Variants in CPSF2 observed in about 807,000 individuals in gnomAD.
CPSF2 encodes cleavage and polyadenylation specificity factor subunit 2.
CPSF2 carries 51 observed loss-of-function variants against 84.2 expected under a neutral mutation model. The observed-to-expected ratio is 0.61, with a 90% CI of 0.48 to 0.77. The LOEUF is 0.77. CPSF2 is among the 30% of genes least tolerant of loss of function. CPSF2 has a pLI of 0.00. For missense variants in CPSF2, 641 were observed against 929.4 expected, an observed-to-expected ratio of 0.69 and a Z score of 4.03; for synonymous variants, 286 against 311.9, an observed-to-expected ratio of 0.92 and a Z score of 0.87.
Position 92,162,488 on chromosome 14 carries a change from C to T in CPSF2, c.*744C>T, listed in dbSNP as rs2069388128. 1 of 152,362 alleles carries T rather than the reference C, an allele frequency of 6.6e-6. No homozygotes were observed. The highest frequency in any genetic ancestry group is 2.1e-4 in the South Asian group (1 of 4,824). The allele number at this position is 152,362 out of a possible 1,614,324, so 9.4% of individuals were successfully genotyped here. A position where few individuals can be genotyped will look rare whatever the true frequency, so the allele number is the denominator to read the frequency against. ...AAGGGTTCTGCATACATTTTAGAAA[C>T]ATCTTAGCCGTAAGTTAGGTCCTGT... On this transcript the variant is annotated 3_prime_UTR_variant, in exon 16 of 16. Coordinates refer to ENST00000298875, the MANE Select transcript of CPSF2 (RefSeq NM_017437.3).
chr14:92,131,132 A>C lies in CPSF2; in HGVS notation c.148A>C (p.Lys50Gln). The change falls in exon 3 of 16, where the codon AAG (lysine) becomes CAG (glutamine). Residue 50 changes from lysine to glutamine, a missense_variant and splice_region_variant. Coordinates refer to ENST00000298875, the MANE Select transcript of CPSF2 (RefSeq NM_017437.3). ...FSMDIIDSLRKHVHQIDAVLL... is the reference protein window; with the variant it reads ...FSMDIIDSLRQHVHQIDAVLL... ...TATGGATATTATTGATTCCCTGAGG[A>C]AGTAAGTTACATTTCATAATTCTAT... 6.3e-7 allele frequency: 1 copy of C among 1,598,586 alleles called. No individual in the cohort carries two copies. Among genetic ancestry groups the C allele is most frequent in the Non-Finnish European group, 8.5e-7 (1 of 1,173,756 alleles).
chr14:92,131,090 T>G lies in CPSF2; in HGVS notation c.106T>G (p.Trp36Gly). 1 of 1,612,946 alleles carries G rather than the reference T, an allele frequency of 6.2e-7. No homozygotes were observed. Among genetic ancestry groups the G allele is most frequent in the East Asian group, 2.2e-5 (1 of 44,792 alleles). ...DEFRFLLDCG[W>G]DEHFSMDIID... ...GTTTAGATTTTTATTGGACTGTGGC[T>G]GGGATGAGCACTTTTCTATGGATAT... is the stretch of plus-strand genomic sequence containing the variant. Residue 36 changes from tryptophan (W) to glycine (G), a missense_variant, in exon 3 of 16, where the codon TGG (tryptophan) becomes GGG (glycine). This residue lies in a region of CPSF2 where 211 missense variants were observed against 375.7 expected (regional missense o/e 0.56). Transcript: ENST00000298875.
At chr14:92,123,889 T>A (rs895116923) in intron 1 of CPSF2, among the ~76,000 whole-genome samples, 6 of 152,264 alleles carry the variant, frequency 3.9e-5, no homozygotes, top group African/African-American at 1.4e-4. Flanking sequence ...TTTACTCCTC[T>A]ATACATTGAA....
intron 12 of CPSF2, among the ~76,000 whole-genome samples, chr14:92,156,939 A>G (rs1429374792): frequency 6.6e-6 from 1 of 152,168 alleles, no homozygotes; most frequent in Non-Finnish European, 1.5e-5. Flanking sequence ...AGCAGGTGAA[A>G]GGGAATAATG....
At chr14:92,132,034 T>C (rs1454080022) in intron 3 of CPSF2, among the ~76,000 whole-genome samples, 1 of 152,196 alleles carries the variant, frequency 6.6e-6, no homozygotes, top group African/African-American at 2.4e-5. Context: ...TTAGCAAAAC[T>C]GTCTGTGGTT....
chr14:92,136,058 G>T (rs970461005), intron 6 of CPSF2, among the ~76,000 whole-genome samples: 4 of 152,112 alleles, frequency 2.6e-5, no homozygotes, highest in African/African-American at 7.2e-5. Context: ...TAATATAACT[G>T]CCCTGTATGT....
intron 2 of CPSF2, among the ~76,000 whole-genome samples, chr14:92,127,240 T>A (rs998785194): frequency 1.3e-5 from 2 of 152,062 alleles, no homozygotes; most frequent in Non-Finnish European, 2.9e-5. Flanking sequence ...GGAAATAGAA[T>A]GATGTTGTAA....
At chr14:92,159,323 G>T in intron 14 of CPSF2, 41 bp downstream of exon 14, 1 of 1,495,178 alleles carries the variant, frequency 6.7e-7, no homozygotes. Flanking sequence ...TCCTGAATTT[G>T]TCATCCTTCT....
At chr14:92,128,906 C>T (rs1367380464) in intron 2 of CPSF2, among the ~76,000 whole-genome samples, 1 of 152,034 alleles carries the variant, frequency 6.6e-6, no homozygotes, top group African/African-American at 2.4e-5. Context: ...GTCAAGGAAC[C>T]AACAGGTCAG....
At position 92,134,367 on chromosome 14, in the gene CPSF2, T is replaced by G; in HGVS notation, c.415+12T>G. On this transcript the variant is annotated intron_variant, in intron 5 of 15. Transcript: ENST00000298875. ...TGTGAATTTGAAAGGTAAAAAGAAT[T>G]TCCAGTAGTAAGTATTTAGATGAAT... 1 of 1,548,636 alleles carries G rather than the reference T, an allele frequency of 6.5e-7. No homozygotes were observed. The highest frequency in any genetic ancestry group is 8.9e-7 in the Non-Finnish European group (1 of 1,124,382).
intron 2 of CPSF2, among the ~76,000 whole-genome samples, chr14:92,126,864 C>T (rs904304492): frequency 2.0e-5 from 3 of 152,096 alleles, no homozygotes; most frequent in Non-Finnish European, 4.4e-5. Flanking sequence ...ATTTATTGAA[C>T]AACCACTATG....
At position 92,134,356 on chromosome 14, in the gene CPSF2, G is replaced by T. The variant is rs760567119; in HGVS notation, c.415+1G>T. ...TTCTCTCAGATTGTGAATTTGAAAGGTAAAAAGAATTTCCAGTAGTAAGTA... is the reference window on the plus strand; with the variant it reads ...TTCTCTCAGATTGTGAATTTGAAAGTTAAAAAGAATTTCCAGTAGTAAGTA... On this transcript the variant is annotated splice_donor_variant, in intron 5 of 15. Coordinates refer to ENST00000298875, the MANE Select transcript of CPSF2 (RefSeq NM_017437.3). LOFTEE classifies it high-confidence loss of function. 6.3e-7 allele frequency: 1 copy of T among 1,595,312 alleles called. No homozygotes were observed. Among genetic ancestry groups the T allele is most frequent in the East Asian group, 2.2e-5 (1 of 44,750 alleles).
intron 15 of CPSF2, 152 bp from the exon 16 acceptor site, chr14:92,161,500 C>T (rs2069371412): frequency 3.4e-6 from 2 of 591,060 alleles, no homozygotes; most frequent in South Asian, 2.9e-5. Context: ...ATGTAAAATT[C>T]ATGACTTCAA....
In CPSF2 at chr14:92,157,882, C is replaced by T. The variant is rs1273643504; in HGVS notation, c.1819C>T (p.Gln607Ter). The T allele has an allele frequency of 1.2e-6, 2 of 1,606,628 alleles. No individual in the cohort carries two copies. The highest frequency in any genetic ancestry group is 1.7e-6 in the Non-Finnish European group (2 of 1,173,208). Reference sequence around the variant, plus strand: ...TGCCACTAGTGAAACTCACATCTACCAGGTAAACATGCCAGGAGTTGCCAT... The same window carrying T: ...TGCCACTAGTGAAACTCACATCTACTAGGTAAACATGCCAGGAGTTGCCAT... Reference protein sequence around the residue: ...VDATSETHIYQVRLKDSLVSS... With the variant: ...VDATSETHIY Residue 607 changes from glutamine to a stop codon, truncating the protein, a stop_gained and splice_region_variant, in exon 13 of 16, where the codon CAG becomes TAG. Coordinates refer to ENST00000298875, the MANE Select transcript of CPSF2 (RefSeq NM_017437.3). LOFTEE classifies it high-confidence loss of function. This position sits in a 1 kb window ranked among gnomAD's most constrained non-coding sequence, Gnocchi z 4.0.
At chr14:92,138,368 T>A (rs758530112) in intron 7 of CPSF2, 21 bp downstream of exon 7, 1 of 1,037,030 alleles carries the variant, frequency 9.6e-7, no homozygotes, top group Non-Finnish European at 1.4e-6. Flanking sequence ...TTTCACGTCC[T>A]TATTATTATT....
At position 92,134,055 on chromosome 14, in the gene CPSF2, C is replaced by T; in HGVS notation, c.194C>T (p.Pro65Leu). The T allele has an allele frequency of 1.2e-6, 2 of 1,614,188 alleles. No homozygotes were observed. Among genetic ancestry groups the T allele is most frequent in the Non-Finnish European group, 1.7e-6 (2 of 1,180,024 alleles). Residue 65 changes from proline to leucine, a missense_variant, in exon 4 of 16, where the codon CCT becomes CTT. Around this residue, in one of 2 missense-constraint regions of CPSF2, gnomAD observed 211 missense variants for 375.7 expected, o/e 0.56. Transcript: ENST00000298875. Reference protein sequence around the residue: ...IDAVLLSHPDPLHLGALPYAV... With the variant: ...IDAVLLSHPDLLHLGALPYAV... ...GCAGTGCTGTTGTCTCACCCTGATC[C>T]TCTCCACCTTGGTGCCCTCCCGTAT...
At position 92,135,384 on chromosome 14, in the gene CPSF2, T is replaced by C; in HGVS notation, c.433T>C (p.Ser145Pro). The change falls in exon 6 of 16, where the codon TCT becomes CCT. Residue 145 changes from serine (S) to proline (P), a missense_variant. This residue lies in a region of CPSF2 where 211 missense variants were observed against 375.7 expected (regional missense o/e 0.56). Coordinates refer to ENST00000298875, the MANE Select transcript of CPSF2 (RefSeq NM_017437.3). ...VNLKGKGHGL[S>P]ITPLPAGHMI... ...TGACATAGGTAAAGGACATGGCCTGTCTATCACACCTCTGCCAGCTGGTCA... is the reference window on the plus strand; with the variant it reads ...TGACATAGGTAAAGGACATGGCCTGCCTATCACACCTCTGCCAGCTGGTCA... 6.2e-7 allele frequency: 1 copy of C among 1,613,222 alleles called. No homozygotes were observed. Among genetic ancestry groups the C allele is most frequent in the Non-Finnish European group, 8.5e-7 (1 of 1,179,622 alleles).
At chr14:92,137,982 T>TA (rs1182034555) in intron 6 of CPSF2, among the ~76,000 whole-genome samples, 16 of 152,176 alleles carry the variant, frequency 1.1e-4, no homozygotes, top group Non-Finnish European at 2.1e-4. Flanking sequence ...TAGAAAAACT[T>TA]ATATGGTTAG....
At position 92,166,229 on chromosome 14, in the gene CPSF2, A is replaced by G. The variant is rs1227038599; in HGVS notation, c.*4485A>G. 9 of 151,946 alleles carry G rather than the reference A, an allele frequency of 5.9e-5. No homozygotes were observed. Among genetic ancestry groups the G allele is most frequent in the Admixed American group, 4.6e-4 (7 of 15,250 alleles). The allele number at this position is 151,946 out of a possible 1,614,324, so 9.4% of individuals were successfully genotyped here. A position where few individuals can be genotyped will look rare whatever the true frequency, so the allele number is the denominator to read the frequency against. ...GAAGGTTTACACTTAATTTTTTTCT[A>G]TCTAAAAAACCATTGCTTCATCTAA... On this transcript the variant is annotated 3_prime_UTR_variant, in exon 16 of 16. Transcript: ENST00000298875.
Sources: gnomAD v4.1 joint callset for allele counts (sites outside exome capture counted in the v4.1 genomes callset) on GRCh38, gnomAD v4.1.1 for gene constraint, gnomAD v4.1.1 regional missense constraint, Gnocchi (gnomAD v3.1) non-coding constraint, MANE v1.5 for transcripts, NCBI Gene and HGNC (gene_info 2026-07-23, HGNC 2026-07-21) for gene names.